Variants in DNAJC22 observed in about 807,000 individuals in gnomAD.
DNAJC22 encodes the protein DnaJ heat shock protein family (Hsp40) member C22.
Under a neutral mutation model 22.2 loss-of-function variants are expected in DNAJC22, and 24 were observed. The observed-to-expected ratio is 1.08, with a 90% CI of 0.78 to 1.52. The LOEUF (loss-of-function observed/expected upper bound fraction) is 1.52, where lower values mean the gene tolerates loss of function less well. DNAJC22 is among the 40% of genes most tolerant of loss of function. The pLI is 0.00. For synonymous variants in DNAJC22, 160 were observed against 167.4 expected, an observed-to-expected ratio of 0.96 and a Z score of 0.34; for missense variants, 434 against 421.7, an observed-to-expected ratio of 1.03 and a Z score of -0.26.
In DNAJC22 at chr12:49,353,221, AGATTGGAGACCAGGAACAT is replaced by A. The variant is rs1943802896; in HGVS notation, c.*1724_*1742del. The stretch of plus-strand genomic sequence containing the variant: ...CCAGGGTGTCTCACTTTGCAGAGGA[AGATTGGAGACCAGGAACAT>A]GATTTTAAATTATGTGCCTTTACTG... On this transcript the variant is annotated 3_prime_UTR_variant, in exon 4 of 4. Transcript: ENST00000549441. 6.6e-6 allele frequency: 1 copy of A among 152,164 alleles called. No individual in the cohort carries two copies. The highest frequency in any genetic ancestry group is 6.5e-5 in the Admixed American group (1 of 15,276). The allele number at this position is 152,164 out of a possible 1,614,324, so 9.4% of individuals were successfully genotyped here. A position where few individuals can be genotyped will look rare whatever the true frequency, so the allele number is the denominator to read the frequency against.
In DNAJC22 at chr12:49,347,514, G is replaced by A. The variant is rs980312742; in HGVS notation, c.-607G>A. The A allele has an allele frequency of 6.6e-6, 1 of 152,410 alleles. No individual in the cohort carries two copies. Among genetic ancestry groups the A allele is most frequent in the African/African-American group, 2.4e-5 (1 of 41,488 alleles). The allele number at this position is 152,410 out of a possible 1,614,324, so 9.4% of individuals were successfully genotyped here. The stretch of plus-strand genomic sequence containing the variant: ...GGAGGTGGAACCATCCAGTCTTGAA[G>A]GTCAACGGAGCGTGAAGAGAGGAGC... On this transcript the variant is annotated 5_prime_UTR_variant, in exon 1 of 4. Coordinates refer to ENST00000549441, the MANE Select transcript of DNAJC22 (RefSeq NM_001304944.2).
chr12:49,349,702 T>C lies in DNAJC22; in HGVS notation c.830T>C (p.Leu277Pro), dbSNP rs750285253. ...VHSFQDEKRQ[L>P]AYQVLGLSEG... Reference sequence around the variant, plus strand: ...AGTTTTCAGGATGAGAAGCGTCAGCTGGCTTACCAGGTAAGGCTTTCTTCC... The same window carrying C: ...AGTTTTCAGGATGAGAAGCGTCAGCCGGCTTACCAGGTAAGGCTTTCTTCC... The change falls in exon 3 of 4, where the codon CTG (leucine) becomes CCG (proline). Residue 277 changes from leucine to proline, a missense_variant. Leu to Pro is a moderately conservative substitution (Grantham distance 98). Transcript: ENST00000549441. 1.2e-6 allele frequency: 2 copies of C among 1,614,230 alleles called. No homozygotes were observed. The highest frequency in any genetic ancestry group is 8.5e-7 in the Non-Finnish European group (1 of 1,180,034).
In DNAJC22 at chr12:49,352,396, GCC is replaced by G. The variant is rs1292088417; in HGVS notation, c.*897_*898del. On this transcript the variant is annotated 3_prime_UTR_variant, in exon 4 of 4. Transcript: ENST00000549441. ...CCAGCCATGGTGGCACATGCCTGTA[GCC>G]CCAGCTAGTCGGGAGGCTGAGGCAG... is the stretch of plus-strand genomic sequence containing the variant. The G allele has an allele frequency of 1.3e-5, 2 of 152,186 alleles. No homozygotes were observed. The highest frequency in any genetic ancestry group is 1.5e-5 in the Non-Finnish European group (1 of 68,056). 9.4% of individuals were successfully genotyped at this position (152,186 alleles called of 1,614,324 possible).
In DNAJC22 at chr12:49,347,761, C is replaced by G. The variant is rs1943717417; in HGVS notation, c.-452C>G. ...CTGGGGACCGCCCGGACCCCCCCTT[C>G]CATCGGCGGCAGCGCCACCTGGCGG... On this transcript the variant is annotated 5_prime_UTR_variant, in exon 2 of 4. Coordinates refer to ENST00000549441, the MANE Select transcript of DNAJC22 (RefSeq NM_001304944.2). 1 of 152,494 alleles carries G rather than the reference C, an allele frequency of 6.6e-6. No individual in the cohort carries two copies. The allele number at this position is 152,494 out of a possible 1,614,324, so 9.4% of individuals were successfully genotyped here. A position where few individuals can be genotyped will look rare whatever the true frequency, so the allele number is the denominator to read the frequency against.
rs774598689 is a variant in DNAJC22, at chr12:49,349,379, C to T, written c.507C>T (p.Tyr169=). 2 of 1,605,724 alleles carry T rather than the reference C, an allele frequency of 1.2e-6. No homozygotes were observed. Among genetic ancestry groups the T allele is most frequent in the African/African-American group, 1.3e-5 (1 of 74,586 alleles). Residue 169 remains tyrosine (Y), a synonymous_variant, in exon 3 of 4, where the codon TAC becomes TAT. Coordinates refer to ENST00000549441, the MANE Select transcript of DNAJC22 (RefSeq NM_001304944.2). ...TTACAGCTCAGAGGCATCGCCGCTA[C>T]AAAGCTTTGGTGGCATCAGAGCCGC... ...ASITAQRHRR[Y]KALVASEPLS...
chr12:49,353,116 C>T lies in DNAJC22; in HGVS notation c.*1614C>T, dbSNP rs1378330423. ...ATGTCCCTTTGGGGACTTTGGGAAA[C>T]CCTAGGGAACCAGCGGCTAGAGCAT... On this transcript the variant is annotated 3_prime_UTR_variant, in exon 4 of 4. Transcript: ENST00000549441. 3 of 152,082 alleles carry T rather than the reference C, an allele frequency of 2.0e-5. No homozygotes were observed. Among genetic ancestry groups the T allele is most frequent in the Non-Finnish European group, 4.4e-5 (3 of 68,028 alleles). 9.4% of individuals were successfully genotyped at this position (152,082 alleles called of 1,614,324 possible).
rs1216955663 is a variant in DNAJC22, at chr12:49,353,329, A to AATCTGAGT, written c.*1829_*1836dup. ...ATTTTTTTCTTCTTTCTGGATGTTAAATCTGAGTAATATATATCATTTTTA... is the reference window on the plus strand; with the variant it reads ...ATTTTTTTCTTCTTTCTGGATGTTAAATCTGAGTATCTGAGTAATATATATCATTTTTA... On this transcript the variant is annotated 3_prime_UTR_variant, in exon 4 of 4. Coordinates refer to ENST00000549441, the MANE Select transcript of DNAJC22 (RefSeq NM_001304944.2). 3 of 152,168 alleles carry AATCTGAGT rather than the reference A, an allele frequency of 2.0e-5. No homozygotes were observed. Among genetic ancestry groups the AATCTGAGT allele is most frequent in the Non-Finnish European group, 4.4e-5 (3 of 68,032 alleles). 9.4% of individuals were successfully genotyped at this position (152,168 alleles called of 1,614,324 possible).
Position 49,349,250 on chromosome 12 carries a change from C to G in DNAJC22, c.378C>G (p.Asn126Lys), listed in dbSNP as rs764306151. 1.2e-6 allele frequency: 2 copies of G among 1,614,062 alleles called. No individual in the cohort carries two copies. The highest frequency in any genetic ancestry group is 1.7e-6 in the Non-Finnish European group (2 of 1,180,054). The part of the protein sequence containing the change: ...LGVLLVAAVG[N>K]QTSDFKNTLG... ...TCTTGCTGGTGGCTGCTGTTGGCAA[C>G]CAGACCTCAGACTTTAAGAACACTC... Residue 126 changes from asparagine to lysine, a missense_variant, in exon 3 of 4, where the codon AAC becomes AAG. Coordinates refer to ENST00000549441, the MANE Select transcript of DNAJC22 (RefSeq NM_001304944.2).
In DNAJC22 at chr12:49,351,600, A is replaced by G. The variant is rs1289265805; in HGVS notation, c.*98A>G. 1.5e-6 allele frequency: 2 copies of G among 1,338,622 alleles called. No homozygotes were observed. The highest frequency in any genetic ancestry group is 3.1e-5 in the African/African-American group (2 of 64,998). The allele number at this position is 1,338,622 out of a possible 1,614,324, so 82.9% of individuals were successfully genotyped here. A position where few individuals can be genotyped will look rare whatever the true frequency, so the allele number is the denominator to read the frequency against. On this transcript the variant is annotated 3_prime_UTR_variant, in exon 4 of 4. Coordinates refer to ENST00000549441, the MANE Select transcript of DNAJC22 (RefSeq NM_001304944.2). ...ACGAATGGCATCCCAACAGAGTTAA[A>G]GAAACTGCTTGCAGGGGCTGGGCGT...
rs1943755363 is a variant in DNAJC22 at position 49,349,725 on chromosome 12, T to C, written c.840+13T>C. On this transcript the variant is annotated intron_variant, in intron 3 of 3. Transcript: ENST00000549441. ...GCTGGCTTACCAGGTAAGGCTTTCTTCCCTCAGTCCTGTCCGGTGGCTCTG... is the reference window on the plus strand; with the variant it reads ...GCTGGCTTACCAGGTAAGGCTTTCTCCCCTCAGTCCTGTCCGGTGGCTCTG... The C allele has an allele frequency of 1.2e-6, 2 of 1,613,994 alleles. No homozygotes were observed. The highest frequency in any genetic ancestry group is 1.1e-5 in the South Asian group (1 of 91,046).
Position 49,351,350 on chromosome 12 carries a change from GA to G in DNAJC22, c.877del (p.Ile293TyrfsTer8). 2 of 1,613,772 alleles carry G rather than the reference GA, an allele frequency of 1.2e-6. No individual in the cohort carries two copies. The highest frequency in any genetic ancestry group is 2.2e-5 in the South Asian group (2 of 91,058). ...LGLSEGATNE[E>X]IHRSYQELVK... ...CCTCTCAGAAGGGGCAACAAATGAA[GA>G]AATACATCGGAGTTACCAGGAGCTA... On this transcript the variant is annotated frameshift_variant, in exon 4 of 4. Coordinates refer to ENST00000549441, the MANE Select transcript of DNAJC22 (RefSeq NM_001304944.2). LOFTEE classifies it high-confidence loss of function.
At chr12:49,348,681 T>C in intron 2 of DNAJC22, 85 bp from the exon 3 acceptor site, 1 of 658,530 alleles carries the variant, frequency 1.5e-6, no homozygotes, top group Non-Finnish European at 2.2e-6. Context: ...GGCAGATCTG[T>C]ACTCAACTTT....
chr12:49,349,429 G>A lies in DNAJC22; in HGVS notation c.557G>A (p.Gly186Asp). Reference protein sequence around the residue: ...EPLSVRLYRLGLAYLAFTGPL... With the variant: ...EPLSVRLYRLDLAYLAFTGPL... Reference sequence around the variant, plus strand: ...CTCAGTGTGCGGCTCTATCGTCTGGGCTTGGCTTACCTTGCTTTCACAGGC... The same window carrying A: ...CTCAGTGTGCGGCTCTATCGTCTGGACTTGGCTTACCTTGCTTTCACAGGC... Residue 186 changes from glycine to aspartate, a missense_variant, in exon 3 of 4, where the codon GGC becomes GAC. Gly to Asp is a moderately conservative substitution (Grantham distance 94). Coordinates refer to ENST00000549441, the MANE Select transcript of DNAJC22 (RefSeq NM_001304944.2). The A allele has an allele frequency of 6.2e-7, 1 of 1,613,664 alleles. No homozygotes were observed. Among genetic ancestry groups the A allele is most frequent in the Non-Finnish European group, 8.5e-7 (1 of 1,179,868 alleles).
intron 2 of DNAJC22, 39 bp from the exon 3 acceptor site, chr12:49,348,726 TG>T: frequency 8.7e-7 from 1 of 1,146,348 alleles, no homozygotes; most frequent in Non-Finnish European, 1.1e-6. Flanking sequence ...TGTTGGAGCC[TG>T]GACATCATCT....
rs1007143035 is a variant in DNAJC22 at position 49,352,077 on chromosome 12, A to T, written c.*575A>T. On this transcript the variant is annotated 3_prime_UTR_variant, in exon 4 of 4. Coordinates refer to ENST00000549441, the MANE Select transcript of DNAJC22 (RefSeq NM_001304944.2). ...GAAAGGCATATTATAAAACAATCAA[A>T]TATCTTTTAGAGTATGGACAACTAT... is the stretch of plus-strand genomic sequence containing the variant. The T allele has an allele frequency of 5.9e-5, 9 of 152,206 alleles. No homozygotes were observed. Among genetic ancestry groups the T allele is most frequent in the Non-Finnish European group, 8.8e-5 (6 of 68,044 alleles). The allele number at this position is 152,206 out of a possible 1,614,324, so 9.4% of individuals were successfully genotyped here. A position where few individuals can be genotyped will look rare whatever the true frequency, so the allele number is the denominator to read the frequency against.
rs755154272 is a variant in DNAJC22 at position 49,349,132 on chromosome 12, T to A, written c.260T>A (p.Val87Asp). The change falls in exon 3 of 4, where the codon GTT becomes GAT. Residue 87 changes from valine (V) to aspartate (D), a missense_variant. Transcript: ENST00000549441. ...ATTCGCTTTGCTGCCCAGGTGATAG[T>A]TGGCATCTATTTTGGCCTTGTGGCA... ...SPIRFAAQVIVGIYFGLVALI... is the reference protein window; with the variant it reads ...SPIRFAAQVIDGIYFGLVALI... The A allele has an allele frequency of 6.2e-7, 1 of 1,614,188 alleles. No individual in the cohort carries two copies. Among genetic ancestry groups the A allele is most frequent in the South Asian group, 1.1e-5 (1 of 91,092 alleles).
In DNAJC22 at chr12:49,349,074, A is replaced by G. The variant is rs1229708420; in HGVS notation, c.202A>G (p.Ser68Gly). ...CAACAGAGCCCAGGGACAGAGGCAG[A>G]GCCCCAGAGGGGTGACACCCCCTCT... ...QANRAQGQRQ[S>G]PRGVTPPLSP... The change falls in exon 3 of 4, where the codon AGC becomes GGC. Residue 68 changes from serine (S) to glycine (G), a missense_variant. Physicochemically the swap from Ser to Gly is moderately conservative, Grantham distance 56. Transcript: ENST00000549441. The G allele has an allele frequency of 2.5e-6, 4 of 1,613,864 alleles. No individual in the cohort carries two copies. Among genetic ancestry groups the G allele is most frequent in the Non-Finnish European group, 3.4e-6 (4 of 1,179,894 alleles).
In DNAJC22 at chr12:49,349,293, A is replaced by C. The variant is rs749946558; in HGVS notation, c.421A>C (p.Thr141Pro). The change falls in exon 3 of 4, where the codon ACT (threonine) becomes CCT (proline). Residue 141 changes from threonine (T) to proline (P), a missense_variant. Physicochemically the swap from Thr to Pro is conservative, Grantham distance 38. Coordinates refer to ENST00000549441, the MANE Select transcript of DNAJC22 (RefSeq NM_001304944.2). ...FKNTLGSAFL[T>P]SPIFYGRPIA... The stretch of plus-strand genomic sequence containing the variant: ...GAACACTCTGGGGTCAGCATTTCTC[A>C]CTTCACCTATCTTCTATGGCCGCCC... 1.9e-6 allele frequency: 3 copies of C among 1,613,774 alleles called. No individual in the cohort carries two copies. In the South Asian group the frequency reaches 3.3e-5, roughly 18 times the overall value.
Position 49,352,925 on chromosome 12 carries a change from C to A in DNAJC22, c.*1423C>A, listed in dbSNP as rs749675836. 1 of 152,120 alleles carries A rather than the reference C, an allele frequency of 6.6e-6. No homozygotes were observed. The highest frequency in any genetic ancestry group is 6.5e-5 in the Admixed American group (1 of 15,282). The allele number at this position is 152,120 out of a possible 1,614,324, so 9.4% of individuals were successfully genotyped here. On this transcript the variant is annotated 3_prime_UTR_variant, in exon 4 of 4. Transcript: ENST00000549441. ...TACATACCCTACTCCTAGAAGCATA[C>A]AATCTGATGGGAGATAATGACACAG...
Sources: gnomAD v4.1 joint callset for allele counts on GRCh38, gnomAD v4.1.1 for gene constraint, MANE v1.5 for transcripts, NCBI Gene and HGNC (gene_info 2026-07-23, HGNC 2026-07-21) for gene names.